The following CPA3 variants were observed in gnomAD, a reference collection of about 807,000 sequenced individuals.
The protein encoded by CPA3 is mast cell carboxypeptidase A.
In CPA3, 52 loss-of-function variants were observed where a neutral mutation model predicts 55.8. That is an observed-to-expected ratio of 0.93 (90% confidence interval 0.75 to 1.17). The LOEUF is 1.17. CPA3 is among the 50% of genes most tolerant of loss of function. The pLI is 0.00. For missense variants in CPA3, 547 were observed against 509.1 expected (o/e 1.07, Z -0.72); for synonymous variants, 179 against 171.2 (o/e 1.05, Z -0.36).
intron 3 of CPA3, among the ~76,000 whole-genome samples, chr3:148,876,181 A>C (rs1340116077): frequency 7.1e-6 from 1 of 140,288 alleles, no homozygotes; most frequent in Non-Finnish European, 1.6e-5. Context: ...TGTAGTGAGA[A>C]AAAAAGTCAA....
At chr3:148,874,859 T>C (rs1714166011) in intron 3 of CPA3, among the ~76,000 whole-genome samples, 1 of 152,212 alleles carries the variant, frequency 6.6e-6, no homozygotes, top group Non-Finnish European at 1.5e-5. Context: ...CAAAGCCTGC[T>C]TTAAAAACAT....
chr3:148,877,078 T>C (rs887038361), intron 3 of CPA3, among the ~76,000 whole-genome samples: 2 of 152,220 alleles, frequency 1.3e-5, no homozygotes, highest in African/African-American at 4.8e-5. Context: ...AAACGTCATG[T>C]AGGCAGTTGG....
intron 10 of CPA3, among the ~76,000 whole-genome samples, chr3:148,895,998 T>A (rs1214115211): frequency 1.3e-5 from 2 of 152,220 alleles, no homozygotes; most frequent in East Asian, 3.8e-4. Context: ...AAAGTTGACA[T>A]GGAAATTTTG....
At chr3:148,872,849 C>G (rs1176850603) in intron 3 of CPA3, among the ~76,000 whole-genome samples, 1 of 152,138 alleles carries the variant, frequency 6.6e-6, no homozygotes. Flanking sequence ...CTGTCTGGGT[C>G]CAGTCCCACT....
chr3:148,867,213 T>A (rs941258521), intron 2 of CPA3, among the ~76,000 whole-genome samples: 2 of 152,186 alleles, frequency 1.3e-5, no homozygotes, highest in African/African-American at 4.8e-5. Flanking sequence ...ACATCTTTTC[T>A]CATGAAAATG....
At chr3:148,871,028 A>G (rs2108029718) in intron 3 of CPA3, among the ~76,000 whole-genome samples, 1 of 152,258 alleles carries the variant, frequency 6.6e-6, no homozygotes, top group South Asian at 2.1e-4. Flanking sequence ...CCTCCCGAGT[A>G]GCTTATACTA....
intron 2 of CPA3, 23 bp from the exon 3 acceptor site, chr3:148,868,892 T>G (rs368902287): frequency 6.2e-7 from 1 of 1,609,978 alleles, no homozygotes; most frequent in African/African-American, 1.3e-5. Context: ...AAACTCTGAC[T>G]AACATTGAGC....
At chr3:148,867,364 G>A (rs894137062) in intron 2 of CPA3, among the ~76,000 whole-genome samples, 4 of 152,276 alleles carry the variant, frequency 2.6e-5, no homozygotes, top group Non-Finnish European at 4.4e-5. Flanking sequence ...TGGAATACCC[G>A]GTTCCTTCCT....
intron 10 of CPA3, among the ~76,000 whole-genome samples, chr3:148,894,119 A>G (rs1045141552): frequency 2.6e-5 from 4 of 152,206 alleles, no homozygotes; most frequent in Admixed American, 1.3e-4. Context: ...TAAATTAAAT[A>G]ATAGACTATC....
intron 6 of CPA3, 56 bp from the exon 7 acceptor site, chr3:148,881,466 T>G: frequency 2.8e-6 from 3 of 1,052,728 alleles, no homozygotes; most frequent in Non-Finnish European, 4.4e-6. Context: ...ACCACAGCTT[T>G]CCACATAATA....
At chr3:148,871,918 T>G (rs900733309) in intron 3 of CPA3, among the ~76,000 whole-genome samples, 1 of 152,222 alleles carries the variant, frequency 6.6e-6, no homozygotes, top group Non-Finnish European at 1.5e-5. Flanking sequence ...TTACTTGGTG[T>G]CAGTCAGTAA....
At position 148,896,979 on chromosome 3, in the gene CPA3, G is replaced by T; in HGVS notation, c.*272G>T. The T allele has an allele frequency of 3.8e-6, 1 of 263,188 alleles. No individual in the cohort carries two copies. The highest frequency in any genetic ancestry group is 7.1e-6 in the Non-Finnish European group (1 of 139,930). 16.3% of individuals were successfully genotyped at this position (263,188 alleles called of 1,614,324 possible). ...TTATTTTGAAAGGTGATATACAGTG[G>T]GGCACAGAAAACAAATGAAAACCTT... On this transcript the variant is annotated 3_prime_UTR_variant, in exon 11 of 11. Transcript: ENST00000296046.
chr3:148,892,885 G>A, intron 10 of CPA3, among the ~76,000 whole-genome samples: 1 of 152,096 alleles, frequency 6.6e-6, no homozygotes, highest in Non-Finnish European at 1.5e-5. Context: ...GACCTGGGAG[G>A]CAGAGGTTGC....
At chr3:148,879,952 T>G in intron 6 of CPA3, 63 bp downstream of exon 6, 2 of 1,122,224 alleles carry the variant, frequency 1.8e-6, no homozygotes, top group Non-Finnish European at 2.7e-6. Context: ...CTTCACTAAG[T>G]GGCGACATCT....
At chr3:148,892,985 C>T (rs1334833159) in intron 10 of CPA3, among the ~76,000 whole-genome samples, 3 of 151,972 alleles carry the variant, frequency 2.0e-5, no homozygotes, top group Non-Finnish European at 4.4e-5. Context: ...ATATTGTCAT[C>T]AGTATCACAA....
intron 2 of CPA3, among the ~76,000 whole-genome samples, chr3:148,866,341 T>C (rs1053619179): frequency 3.3e-5 from 5 of 152,170 alleles, no homozygotes; most frequent in African/African-American, 1.2e-4. Context: ...TGCCCTCCAT[T>C]CCACTGCCAC....
chr3:148,881,331 T>C (rs150082163), intron 6 of CPA3, 191 bp from the exon 7 acceptor site: 119 of 464,472 alleles, frequency 2.6e-4, no homozygotes, highest in African/African-American at 2.1e-3. Context: ...TTAATGTCAC[T>C]AGTCTAAATA....
At chr3:148,868,871 G>A in intron 2 of CPA3, 44 bp from the exon 3 acceptor site, 1 of 1,597,434 alleles carries the variant, frequency 6.3e-7, no homozygotes, top group Non-Finnish European at 8.5e-7. Context: ...ATAAGTGTTG[G>A]GTAAGCAAAT....
At chr3:148,884,701 A>G (rs1409988398) in intron 9 of CPA3, among the ~76,000 whole-genome samples, 1 of 152,176 alleles carries the variant, frequency 6.6e-6, no homozygotes, top group Non-Finnish European at 1.5e-5. Context: ...CTCCATATAT[A>G]CAACAAAGAA....
Sources: gnomAD v4.1 joint callset for allele counts (sites outside exome capture counted in the v4.1 genomes callset) on GRCh38, gnomAD v4.1.1 for gene constraint, MANE v1.5 for transcripts, NCBI Gene and HGNC (gene_info 2026-07-23, HGNC 2026-07-21) for gene names.